Variants in CLK1 observed in about 807,000 individuals in gnomAD.
The protein encoded by CLK1 is CDC like kinase 1, also known as dual specificity protein kinase CLK1.
In CLK1, 40 loss-of-function variants were observed where a neutral mutation model predicts 60.9. That is an observed-to-expected ratio of 0.66 (90% CI 0.51 to 0.86). The LOEUF (loss-of-function observed/expected upper bound fraction) is 0.86, where lower values mean the gene tolerates loss of function less well. Among genes scored for constraint, CLK1 ranks in the 40% least tolerant of loss-of-function variants. The pLI is 0.00. For missense variants in CLK1, 563 were observed against 606.1 expected, an observed-to-expected ratio of 0.93 and a Z score of 0.75; for synonymous variants, 203 against 184.4, an observed-to-expected ratio of 1.10 and a Z score of -0.82.
intron 3 of CLK1, chr2:200,860,490 T>A: frequency 1.7e-6 from 2 of 1,159,270 alleles, no homozygotes; most frequent in East Asian, 8.4e-5. Context: ...ACAATTGTTT[T>A]TCTTAAAAAA....
intron 1 of CLK1, among the ~76,000 whole-genome samples, chr2:200,863,447 A>G (rs2105743959): frequency 6.6e-6 from 1 of 152,106 alleles, no homozygotes; most frequent in South Asian, 2.1e-4. Context: ...AGTCCCAACT[A>G]CTCAGGAGGC....
intron 12 of CLK1, among the ~76,000 whole-genome samples, 154 bp from the exon 13 acceptor site, chr2:200,853,603 G>T (rs1401972165): frequency 6.7e-6 from 1 of 150,022 alleles, no homozygotes; most frequent in Non-Finnish European, 1.5e-5. Flanking sequence ...CACTCTGGGA[G>T]GCCAAGGCAG....
intron 5 of CLK1, among the ~76,000 whole-genome samples, chr2:200,859,392 G>T (rs1221998011): frequency 6.6e-5 from 10 of 151,920 alleles, no homozygotes; most frequent in Non-Finnish European, 1.3e-4. Flanking sequence ...CTAATATGGT[G>T]GGGGAAAAAA....
chr2:200,858,514 T>C (rs942363092), intron 5 of CLK1, among the ~76,000 whole-genome samples: 5 of 151,996 alleles, frequency 3.3e-5, no homozygotes, highest in Non-Finnish European at 7.4e-5. Context: ...CTGACCAACA[T>C]GGTGAAACCC....
At position 200,853,178 on chromosome 2, in the gene CLK1, C is replaced by G; in HGVS notation, c.*128G>C. ...TATGTACTTAATGAACCAAATTACC[C>G]AAACAAAATAAACATGGCAATATAA... On this transcript the variant is annotated 3_prime_UTR_variant, in exon 13 of 13. Coordinates refer to ENST00000321356, the MANE Select transcript of CLK1 (RefSeq NM_004071.4). 1.5e-6 allele frequency: 1 copy of G among 674,938 alleles called. No individual in the cohort carries two copies. 41.8% of individuals were successfully genotyped at this position (674,938 alleles called of 1,614,324 possible). A position where few individuals can be genotyped will look rare whatever the true frequency, so the allele number is the denominator to read the frequency against.
chr2:200,863,499 G>A (rs1420912578), intron 1 of CLK1, among the ~76,000 whole-genome samples: 1 of 152,102 alleles, frequency 6.6e-6, no homozygotes, highest in Non-Finnish European at 1.5e-5. Flanking sequence ...CGAAGCTGCA[G>A]TGAGCCGTCA....
chr2:200,864,409 C>A, intron 1 of CLK1, 155 bp downstream of exon 1: 1 of 761,404 alleles, frequency 1.3e-6, no homozygotes, highest in Non-Finnish European at 2.0e-6. Flanking sequence ...AAGAGGGGCG[C>A]GCCGCCACTG....
intron 8 of CLK1, 25 bp downstream of exon 8, chr2:200,856,866 T>A (rs1166336408): frequency 6.2e-7 from 1 of 1,613,726 alleles, no homozygotes; most frequent in East Asian, 2.2e-5. Context: ...CATAAGATAC[T>A]TTATGAATAT....
Position 200,861,848 on chromosome 2 carries a change from C to T in CLK1, c.15G>A (p.Lys5=). Reference sequence around the variant, plus strand: ...CATCCCAATCAGGACAGTAAGTTCTCTTTGAGTGTCTCATCTACATAAAAG... The same window carrying T: ...CATCCCAATCAGGACAGTAAGTTCTTTTTGAGTGTCTCATCTACATAAAAG... MRHS[K]RTYCPDWDDK... Residue 5 remains lysine, a synonymous_variant, in exon 2 of 13, where the codon AAG becomes AAA. Coordinates refer to ENST00000321356, the MANE Select transcript of CLK1 (RefSeq NM_004071.4). The T allele has an allele frequency of 6.2e-7, 1 of 1,614,020 alleles. No homozygotes were observed. Among genetic ancestry groups the T allele is most frequent in the Non-Finnish European group, 8.5e-7 (1 of 1,179,982 alleles).
rs189980649 is a variant in CLK1, at chr2:200,863,123, C to T, written c.1-1261G>A. On this transcript the variant is annotated intron_variant, in intron 1 of 12. Transcript: ENST00000321356. ...GTTCTTTCTTACCGGCGGGACCCCT[C>T]TGTGTCTTCCGCTACAATTCTTTTT... 339 of 151,844 alleles carry T rather than the reference C, an allele frequency of 2.2e-3. 4 individuals are homozygous for T. Among genetic ancestry groups the T allele is most frequent in the African/African-American group, 7.9e-3 (327 of 41,500 alleles). 9.4% of individuals were successfully genotyped at this position (151,844 alleles called of 1,614,324 possible). A position where few individuals can be genotyped will look rare whatever the true frequency, so the allele number is the denominator to read the frequency against.
intron 1 of CLK1, chr2:200,863,047 A>C (rs1332318516): frequency 6.6e-6 from 1 of 152,238 alleles, no homozygotes; most frequent in Non-Finnish European, 1.5e-5. Flanking sequence ...GAAAATCTCT[A>C]ACCTAACAAC....
At chr2:200,857,614 CCTTT>C (rs2039064882) in intron 7 of CLK1, 100 bp downstream of exon 7, 1 of 940,054 alleles carries the variant, frequency 1.1e-6, no homozygotes, top group Admixed American at 3.1e-5. Context: ...TCTTCCTCCC[CCTTT>C]ATTTTTAATC....
intron 1 of CLK1, chr2:200,864,193 A>C: frequency 1.3e-6 from 2 of 1,550,690 alleles, no homozygotes; most frequent in Non-Finnish European, 1.7e-6. Context: ...CTTTCCGGCC[A>C]CAGGGCCGAA....
chr2:200,861,734 G>T lies in CLK1; in HGVS notation c.129C>A (p.Arg43=), dbSNP rs199832158. The T allele has an allele frequency of 2.5e-6, 4 of 1,614,084 alleles. No individual in the cohort carries two copies. The highest frequency in any genetic ancestry group is 2.5e-6 in the Non-Finnish European group (3 of 1,180,016). The change falls in exon 2 of 13, where the codon CGC becomes CGA. Residue 43 remains arginine, a synonymous_variant. Transcript: ENST00000321356. ...ACATTTTAGAGTGATTGTATTTGCA[G>T]CGCTTGTTCTCCTGGGCACTGCTAT... The part of the protein sequence containing the change: ...RSHSSAQENK[R]CKYNHSKMCD...
chr2:200,855,620 G>GCGC (rs756929677), intron 9 of CLK1, among the ~76,000 whole-genome samples: 1 of 147,572 alleles, frequency 6.8e-6, no homozygotes, highest in Non-Finnish European at 1.5e-5. Context: ...GCAAGACTCC[G>GCGC]CCCCCCCCCC....
Position 200,861,379 on chromosome 2 carries a change from T to A in CLK1, c.249A>T (p.Gly83=), listed in dbSNP as rs779863945. 6.2e-7 allele frequency: 1 copy of A among 1,614,190 alleles called. No homozygotes were observed. The change falls in exon 3 of 13, where the codon GGA becomes GGT. Residue 83 remains glycine, a synonymous_variant. Coordinates refer to ENST00000321356, the MANE Select transcript of CLK1 (RefSeq NM_004071.4). ...CTCTTTGGCGATGTCCAGGTTCACA[T>A]CCTTGAGTGTAGTCATTTCTGTACT... ...IDEYRNDYTQ[G]CEPGHRQRDH... is the part of the protein sequence containing the mutation.
At chr2:200,859,107 G>A (rs944774486) in intron 5 of CLK1, among the ~76,000 whole-genome samples, 6 of 151,990 alleles carry the variant, frequency 3.9e-5, no homozygotes, top group Admixed American at 6.6e-5. Context: ...ACCTGAACCC[G>A]GGAGGCAGAG....
rs75615141 is a variant in CLK1 at position 200,854,668 on chromosome 2, T to C, written c.1168A>G (p.Met390Val). 1 of 1,609,416 alleles carries C rather than the reference T, an allele frequency of 6.2e-7. No individual in the cohort carries two copies. Reference protein sequence around the residue: ...PTHDSKEHLAMMERILGPLPK... With the variant: ...PTHDSKEHLAVMERILGPLPK... ...AGAGGTCCAAGAATCCTTTCCATCA[T>C]TGCTAAATGCTCCTTACTATCGTGT... Residue 390 changes from methionine to valine, a missense_variant, in exon 11 of 13, where the codon ATG becomes GTG. Met to Val is a conservative substitution (Grantham distance 21). This residue lies in a region of CLK1 where 360 missense variants were observed against 407.0 expected (regional missense o/e 0.88). Coordinates refer to ENST00000321356, the MANE Select transcript of CLK1 (RefSeq NM_004071.4).
At position 200,859,677 on chromosome 2, in the gene CLK1, T is replaced by TA. The variant is rs1343131203; in HGVS notation, c.548+2dup. The TA allele has an allele frequency of 2.5e-6, 4 of 1,611,412 alleles. No individual in the cohort carries two copies. Among genetic ancestry groups the TA allele is most frequent in the Non-Finnish European group, 3.4e-6 (4 of 1,178,912 alleles). ...AAAAGTAATCCCAACATGGGAAACTTACGCTTTATGATCGATGCACTCCAC... is the reference window on the plus strand; with the variant it reads ...AAAAGTAATCCCAACATGGGAAACTTAACGCTTTATGATCGATGCACTCCAC... On this transcript the variant is annotated splice_region_variant and intron_variant, in intron 5 of 12. Coordinates refer to ENST00000321356, the MANE Select transcript of CLK1 (RefSeq NM_004071.4).
Sources: allele counts gnomAD v4.1 joint callset (sites outside exome capture counted in the v4.1 genomes callset), GRCh38; gene constraint gnomAD v4.1.1; regional missense constraint gnomAD v4.1.1; transcripts MANE v1.5; gene names NCBI Gene and HGNC (gene_info 2026-07-23, HGNC 2026-07-21).